The following BCAS4 variants were observed in gnomAD, a reference collection of about 807,000 sequenced individuals.
The protein encoded by BCAS4 is breast carcinoma-amplified sequence 4.
In BCAS4, 9 loss-of-function variants were observed where a neutral mutation model predicts 15.7. The ratio of observed to expected loss-of-function variants is 0.57; its 90% confidence interval spans 0.34 to 1.00. BCAS4 has a LOEUF of 1.00. Ranked by LOEUF, BCAS4 falls within the 50% of genes least tolerant of loss-of-function variation. The probability of loss-of-function intolerance (pLI) is 0.02; values close to 1 mark genes in which losing one functional copy is unlikely to be tolerated. For synonymous variants in BCAS4, 101 were observed against 99.5 expected, an observed-to-expected ratio of 1.02 and a Z score of -0.09; for missense variants, 225 against 239.1, an observed-to-expected ratio of 0.94 and a Z score of 0.39.
chr20:50,876,066 T>G, intron 4 of BCAS4: 3 of 455,278 alleles, frequency 6.6e-6, no homozygotes, highest in South Asian at 4.7e-5. Context: ...TTCTCCTGCC[T>G]CCGCCTCCCA....
At position 50,827,769 on chromosome 20, in the gene BCAS4, C is replaced by T. The variant is rs144494956; in HGVS notation, c.163-2510C>T. Among the ~76,000 whole-genome samples, 415 of 152,284 alleles carry T rather than the reference C, an allele frequency of 2.7e-3. 3 individuals carry two copies. The highest frequency in any genetic ancestry group is 9.6e-3 in the African/African-American group (398 of 41,568). ...AGAGACAGGGTCTTGCACTGTCGCC[C>T]GGGCTGGAGTGCAGTGGCGCCATCT... On this transcript the variant is annotated intron_variant, in intron 2 of 4. Coordinates refer to ENST00000371608, the MANE Select transcript of BCAS4 (RefSeq NM_198799.4).
intron 3 of BCAS4, chr20:50,840,651 T>G: frequency 6.2e-7 from 1 of 1,612,030 alleles, no homozygotes; most frequent in South Asian, 1.1e-5. Context: ...GTTCAATCGT[T>G]TCTTTGGAAG....
chr20:50,842,013 C>T (rs1439609819), intron 4 of BCAS4, 113 bp downstream of exon 4: 3 of 1,330,306 alleles, frequency 2.3e-6, no homozygotes, highest in Admixed American at 5.9e-5. Context: ...CATTTCACTT[C>T]TGCAGACAGG....
At chr20:50,850,631 T>A (rs1270888096) in intron 4 of BCAS4, among the ~76,000 whole-genome samples, 1 of 152,136 alleles carries the variant, frequency 6.6e-6, no homozygotes, top group African/African-American at 2.4e-5. Flanking sequence ...GGGGGGTTGC[T>A]CTTTGTTGAG....
chr20:50,830,248 AAGGCC>A, intron 2 of BCAS4, 26 bp from the exon 3 acceptor site: 1 of 1,576,044 alleles, frequency 6.3e-7, no homozygotes. Context: ...GATGGGGCAG[AAGGCC>A]TGATGAGCTG....
rs573345806 is a variant in BCAS4 at position 50,850,277 on chromosome 20, C to T, written c.399+8377C>T. Among the ~76,000 whole-genome samples, 52 of 152,332 alleles carry T rather than the reference C, an allele frequency of 3.4e-4. 1 individual carries two copies. The highest frequency in any genetic ancestry group is 1.1e-3 in the African/African-American group (47 of 41,576). ...AGGCAGATGCTATTATTCTAGTTTA[C>T]AAAGAAAGGACCTGAGGCTCAGAGG... On this transcript the variant is annotated intron_variant, in intron 4 of 4. Transcript: ENST00000371608.
intron 4 of BCAS4, among the ~76,000 whole-genome samples, chr20:50,843,412 C>T (rs140486731): frequency 1.1e-4 from 17 of 152,256 alleles, no homozygotes; most frequent in African/African-American, 3.1e-4. Context: ...GGGTTCTGCC[C>T]GTGGGCAGAA....
intron 4 of BCAS4, among the ~76,000 whole-genome samples, chr20:50,864,273 T>A (rs1979239325): frequency 6.6e-6 from 1 of 152,094 alleles, no homozygotes; most frequent in Non-Finnish European, 1.5e-5. Context: ...CCTGGTCTGT[T>A]GTACAAGCAT....
chr20:50,827,876 G>C (rs191762425), intron 2 of BCAS4, among the ~76,000 whole-genome samples: 270 of 152,198 alleles, frequency 1.8e-3, no homozygotes, highest in African/African-American at 6.3e-3. Flanking sequence ...ACAGGCGCAC[G>C]CCACCATGCC....
At chr20:50,878,981 C>T (rs1407917785), downstream of BCAS4, 1 of 150,448 alleles carries the variant, frequency 6.6e-6, no homozygotes, top group Non-Finnish European at 1.5e-5. Context: ...GACATCTAAC[C>T]ATATGGACTG....
intron 4 of BCAS4, among the ~76,000 whole-genome samples, chr20:50,866,725 CCGGGGGTGCCTGTGTGCT>C (rs1979377090): frequency 6.6e-6 from 1 of 152,166 alleles, no homozygotes; most frequent in Non-Finnish European, 1.5e-5. Flanking sequence ...CCACACAGCT[CCGGGGGTGCCTGTGTGCT>C]GGGACAGTGC....
At chr20:50,874,735 A>AC (rs1979837861) in intron 4 of BCAS4, among the ~76,000 whole-genome samples, 1 of 152,068 alleles carries the variant, frequency 6.6e-6, no homozygotes, top group African/African-American at 2.4e-5. Context: ...TGTCAAGTGC[A>AC]GGGGGAGGGG....
At chr20:50,808,650 T>A (rs564442416) in intron 1 of BCAS4, among the ~76,000 whole-genome samples, 1 of 152,374 alleles carries the variant, frequency 6.6e-6, no homozygotes, top group South Asian at 2.1e-4. Flanking sequence ...GCCACTTGTA[T>A]ATCTTGTTTT....
chr20:50,835,745 C>T (rs920347290), intron 3 of BCAS4, among the ~76,000 whole-genome samples: 2 of 152,050 alleles, frequency 1.3e-5, no homozygotes, highest in Admixed American at 6.6e-5. Context: ...GTCTCACCAA[C>T]ATTGAGGCTG....
intron 4 of BCAS4, among the ~76,000 whole-genome samples, chr20:50,848,594 A>T (rs1011400440): frequency 4.6e-5 from 7 of 152,222 alleles, no homozygotes; most frequent in Non-Finnish European, 1.0e-4. Context: ...CGATTCTTGT[A>T]GCAGGGGAGG....
chr20:50,837,268 C>T (rs1054357051), intron 3 of BCAS4, among the ~76,000 whole-genome samples: 1 of 152,160 alleles, frequency 6.6e-6, no homozygotes, highest in East Asian at 1.9e-4. Flanking sequence ...AGGACCCATG[C>T]TCTGAAGCTG....
chr20:50,876,154 T>G (rs972746552), intron 4 of BCAS4: 6 of 391,214 alleles, frequency 1.5e-5, no homozygotes, highest in Non-Finnish European at 2.5e-5. Context: ...TTTGACTGTG[T>G]TGGCCAGGCT....
chr20:50,875,080 C>A (rs1051521109), intron 4 of BCAS4, among the ~76,000 whole-genome samples: 1 of 152,220 alleles, frequency 6.6e-6, no homozygotes, highest in African/African-American at 2.4e-5. Context: ...ACAACCTGGA[C>A]TCTGCATGAG....
intron 4 of BCAS4, among the ~76,000 whole-genome samples, chr20:50,845,556 C>G (rs1313771080): frequency 1.3e-5 from 2 of 152,154 alleles, no homozygotes; most frequent in Non-Finnish European, 2.9e-5. Context: ...CCCAGGCAGC[C>G]GGGGGCTCGG....
Sources: gnomAD v4.1 joint callset for allele counts (sites outside exome capture counted in the v4.1 genomes callset) on GRCh38, gnomAD v4.1.1 for gene constraint, MANE v1.5 for transcripts, NCBI Gene and HGNC (gene_info 2026-07-23, HGNC 2026-07-21) for gene names.